WDR43: variants seen among roughly 807,000 people sequenced by gnomAD.
The protein encoded by WDR43 is WD repeat-containing protein 43.
Under a neutral mutation model 91.4 loss-of-function variants are expected in WDR43, and 13 were observed. The ratio of observed to expected loss-of-function variants is 0.14; its 90% CI spans 0.09 to 0.23. WDR43 has a LOEUF of 0.23. Among genes scored for constraint, WDR43 ranks in the 10% least tolerant of loss-of-function variants. The probability of loss-of-function intolerance (pLI) is 1.00; values close to 1 mark genes in which losing one functional copy is unlikely to be tolerated. For synonymous variants in WDR43, 331 were observed against 287.9 expected (o/e 1.15, Z -1.51); for missense variants, 780 against 809.4 (o/e 0.96, Z 0.44).
In WDR43 at chr2:28,917,920, G is replaced by T; in HGVS notation, c.774G>T (p.Lys258Asn). Reference sequence around the variant, plus strand: ...AGGTCCGATCAGAAAACAAAGAAAAGAGTGCAGTGATGTCATTTACAGTTA... The same window carrying T: ...AGGTCCGATCAGAAAACAAAGAAAATAGTGCAGTGATGTCATTTACAGTTA... Reference protein sequence around the residue: ...VWQVRSENKEKSAVMSFTVTD... With the variant: ...VWQVRSENKENSAVMSFTVTD... Residue 258 changes from lysine (K) to asparagine (N), a missense_variant, in exon 6 of 18, where the codon AAG (lysine) becomes AAT (asparagine). This residue lies in a region of WDR43 where 174 missense variants were observed against 207.3 expected (regional missense o/e 0.84). Transcript: ENST00000407426. The T allele has an allele frequency of 6.3e-7, 1 of 1,585,378 alleles. No homozygotes were observed. The highest frequency in any genetic ancestry group is 2.3e-5 in the East Asian group (1 of 44,052).
At chr2:28,926,785 C>G (rs961825660) in intron 9 of WDR43, among the ~76,000 whole-genome samples, 1 of 152,058 alleles carries the variant, frequency 6.6e-6, no homozygotes, top group Non-Finnish European at 1.5e-5. Flanking sequence ...TGTGGTTCTT[C>G]CCTGCCCACC....
At chr2:28,931,081 T>G (rs952201096) in intron 11 of WDR43, among the ~76,000 whole-genome samples, 1 of 151,474 alleles carries the variant, frequency 6.6e-6, no homozygotes, top group East Asian at 1.9e-4. Flanking sequence ...TTTCTGCTTT[T>G]TTTTTTTTTT....
intron 7 of WDR43, among the ~76,000 whole-genome samples, chr2:28,923,676 CA>C (rs1025098009): frequency 8.6e-5 from 13 of 152,042 alleles, no homozygotes; most frequent in African/African-American, 3.1e-4. Context: ...CCAGGATGCC[CA>C]AACACTTGAT....
In WDR43 at chr2:28,917,944, T is replaced by G. The variant is rs752092505; in HGVS notation, c.798T>G (p.Val266=). 6.3e-7 allele frequency: 1 copy of G among 1,587,394 alleles called. No individual in the cohort carries two copies. The highest frequency in any genetic ancestry group is 2.3e-5 in the East Asian group (1 of 44,122). Residue 266 remains valine (V), a synonymous_variant, in exon 6 of 18, where the codon GTT becomes GTG. Transcript: ENST00000407426. The part of the protein sequence containing the change: ...KEKSAVMSFT[V]TDEPVYIDLT... ...AGAGTGCAGTGATGTCATTTACAGT[T>G]ACCGATGAACCTGTCTATATTGACT...
At chr2:28,926,917 A>C (rs781274926) in intron 9 of WDR43, 1 of 361,898 alleles carries the variant, frequency 2.8e-6, no homozygotes, top group African/African-American at 2.1e-5. Flanking sequence ...GGAATGCTGT[A>C]TTTCAGGGTG....
rs571397866 is a variant in WDR43, at chr2:28,902,101, G to A, written c.340G>A (p.Gly114Arg). The change falls in exon 2 of 18, where the codon GGA becomes AGA. Residue 114 changes from glycine to arginine, a missense_variant. Physicochemically the swap from Gly to Arg is moderately radical, Grantham distance 125. Around this residue, in one of 4 missense-constraint regions of WDR43, gnomAD observed 174 missense variants for 207.3 expected, o/e 0.84. Transcript: ENST00000407426. Reference sequence around the variant, plus strand: ...CATTTTATTATACAGCACAGTAAAAGGAGAGTTACACAGTAAATTAATAGT... The same window carrying A: ...CATTTTATTATACAGCACAGTAAAAAGAGAGTTACACAGTAAATTAATAGT... ...GSILLYSTVK[G>R]ELHSKLISGG... The A allele has an allele frequency of 1.3e-6, 2 of 1,589,118 alleles. No individual in the cohort carries two copies. The highest frequency in any genetic ancestry group is 2.3e-5 in the East Asian group (1 of 44,408).
intron 11 of WDR43, among the ~76,000 whole-genome samples, chr2:28,933,958 T>C (rs187192035): frequency 5.1e-4 from 78 of 152,302 alleles, no homozygotes; most frequent in African/African-American, 1.9e-3. Flanking sequence ...TATCCACATA[T>C]GATGGAGCCA....
rs1423307203 is a variant in WDR43 at position 28,905,976 on chromosome 2, ATGT to A, written c.364-481_364-479del. Reference sequence around the variant, plus strand: ...GCCTGCCCTGTTTATCTCATTTATGATGTTGGAAAACTCAAATGGATAGATAAA... The same window carrying A: ...GCCTGCCCTGTTTATCTCATTTATGATGGAAAACTCAAATGGATAGATAAA... On this transcript the variant is annotated intron_variant, in intron 2 of 17. Coordinates refer to ENST00000407426, the MANE Select transcript of WDR43 (RefSeq NM_015131.3). Among the ~76,000 whole-genome samples the A allele has an allele frequency of 4.6e-5, 7 of 152,230 alleles. No homozygotes were observed. The South Asian group carries it at 1.5e-3, about 32-fold the overall frequency.
At chr2:28,920,720 A>C (rs560079095) in intron 6 of WDR43, among the ~76,000 whole-genome samples, 1 of 152,272 alleles carries the variant, frequency 6.6e-6, no homozygotes, top group African/African-American at 2.4e-5. Context: ...TCTGTCAGCC[A>C]GGCTGGAGTG....
chr2:28,930,000 G>A (rs1169277285), intron 11 of WDR43: 2 of 529,528 alleles, frequency 3.8e-6, no homozygotes, highest in East Asian at 5.1e-5. Context: ...TATAAACATA[G>A]TGTAGCTGAA....
intron 6 of WDR43, among the ~76,000 whole-genome samples, chr2:28,918,674 A>AT (rs756049120): frequency 1.3e-4 from 19 of 151,936 alleles, no homozygotes; most frequent in Admixed American, 1.3e-4. Flanking sequence ...CAGCCTATAT[A>AT]TGTATGTATT....
At chr2:28,928,829 A>T (rs1671190522) in intron 10 of WDR43, among the ~76,000 whole-genome samples, 1 of 148,254 alleles carries the variant, frequency 6.7e-6, no homozygotes, top group African/African-American at 2.5e-5. Context: ...CCATAGATGG[A>T]TGCCACTATG....
intron 3 of WDR43, among the ~76,000 whole-genome samples, chr2:28,912,020 A>G (rs977552480): frequency 6.6e-6 from 1 of 152,282 alleles, no homozygotes; most frequent in Non-Finnish European, 1.5e-5. Context: ...GCTTCTAATC[A>G]TATTTGAGGT....
intron 14 of WDR43, among the ~76,000 whole-genome samples, chr2:28,940,979 AACTTTGT>A (rs556237970): frequency 7.2e-5 from 11 of 152,210 alleles, no homozygotes; most frequent in Non-Finnish European, 1.6e-4. Flanking sequence ...GCAAAAGGTC[AACTTTGT>A]ACTTTGTTCT....
At chr2:28,926,630 T>A in intron 9 of WDR43, 76 bp downstream of exon 9, 1 of 1,254,634 alleles carries the variant, frequency 8.0e-7, no homozygotes, top group East Asian at 2.6e-5. Context: ...CTTAGTATTA[T>A]GATTAAACTG....
At chr2:28,904,581 C>T (rs1395028433) in intron 2 of WDR43, among the ~76,000 whole-genome samples, 2 of 152,116 alleles carry the variant, frequency 1.3e-5, no homozygotes, top group Non-Finnish European at 2.9e-5. Flanking sequence ...AAAAATGCCA[C>T]TTTGTTTTGG....
At chr2:28,921,959 C>G (rs997474384) in intron 6 of WDR43, among the ~76,000 whole-genome samples, 2 of 152,142 alleles carry the variant, frequency 1.3e-5, no homozygotes, top group Admixed American at 6.5e-5. Flanking sequence ...AGCTATCTTC[C>G]CGCCTCGGCC....
intron 3 of WDR43, among the ~76,000 whole-genome samples, chr2:28,910,678 A>ATATATATAT: frequency 7.0e-6 from 1 of 142,654 alleles, no homozygotes; most frequent in South Asian, 2.2e-4. Flanking sequence ...TGTGTGTGTA[A>ATATATATAT]ATATATATAT....
intron 5 of WDR43, among the ~76,000 whole-genome samples, chr2:28,914,998 G>T (rs987883147): frequency 7.2e-5 from 11 of 151,852 alleles, no homozygotes; most frequent in Non-Finnish European, 4.4e-5. Context: ...TTTTATTGCA[G>T]CATCTGATGG....
Sources: allele counts gnomAD v4.1 joint callset (sites outside exome capture counted in the v4.1 genomes callset), GRCh38; gene constraint gnomAD v4.1.1; regional missense constraint gnomAD v4.1.1; transcripts MANE v1.5; gene names NCBI Gene and HGNC (gene_info 2026-07-23, HGNC 2026-07-21).